Variants in RNFT2 observed in about 807,000 individuals in gnomAD.
RNFT2 encodes the protein ring finger protein, transmembrane 2.
RNFT2 carries 36 observed loss-of-function variants against 53.0 expected under a neutral mutation model. The ratio of observed to expected loss-of-function variants is 0.68; its 90% confidence interval spans 0.52 to 0.90. The LOEUF (loss-of-function observed/expected upper bound fraction) is 0.90, where lower values mean the gene tolerates loss of function less well. Among genes scored for constraint, RNFT2 ranks in the 40% least tolerant of loss-of-function variants. The pLI is 0.00. For synonymous variants in RNFT2, 260 were observed against 253.2 expected (o/e 1.03, Z -0.26); for missense variants, 514 against 585.6 (o/e 0.88, Z 1.26).
chr12:116,767,108 T>TTGCCTTG (rs1872952431), intron 6 of RNFT2, among the ~76,000 whole-genome samples, 194 bp downstream of exon 6: 1 of 152,224 alleles, frequency 6.6e-6, no homozygotes, highest in Non-Finnish European at 1.5e-5. Context: ...GCCACATAGG[T>TTGCCTTG]AAATTAACAT....
At position 116,849,502 on chromosome 12, in the gene RNFT2, C is replaced by CA; in HGVS notation, c.*55dup. On this transcript the variant is annotated 3_prime_UTR_variant, in exon 11 of 11. Transcript: ENST00000257575. ...CGCCAAGGGTCAGCATGCCCGGACC[C>CA]AGCCCTGCGGGGGCTTCCTGAGAAA... The CA allele has an allele frequency of 6.5e-7, 1 of 1,531,042 alleles. No homozygotes were observed. Among genetic ancestry groups the CA allele is most frequent in the Non-Finnish European group, 8.8e-7 (1 of 1,136,438 alleles). The allele number at this position is 1,531,042 out of a possible 1,614,324, so 94.8% of individuals were successfully genotyped here. A position where few individuals can be genotyped will look rare whatever the true frequency, so the allele number is the denominator to read the frequency against.
chr12:116,795,159 A>G (rs1874444402), intron 7 of RNFT2, among the ~76,000 whole-genome samples: 1 of 152,080 alleles, frequency 6.6e-6, no homozygotes, highest in Non-Finnish European at 1.5e-5. Context: ...TAATCCCAGC[A>G]CTTTGGGAGG....
intron 5 of RNFT2, among the ~76,000 whole-genome samples, chr12:116,761,391 G>A (rs187050542): frequency 3.9e-5 from 6 of 152,204 alleles, no homozygotes; most frequent in East Asian, 1.9e-4. Flanking sequence ...CCGGTAATCC[G>A]CACACCTTGG....
chr12:116,821,503 G>T (rs1480989822), intron 7 of RNFT2, among the ~76,000 whole-genome samples: 1 of 152,204 alleles, frequency 6.6e-6, no homozygotes, highest in Non-Finnish European at 1.5e-5. Flanking sequence ...ACCTTCCCAG[G>T]ACAACATGTC....
intron 5 of RNFT2, chr12:116,755,452 C>T (rs985753259): frequency 3.7e-5 from 44 of 1,201,018 alleles, no homozygotes; most frequent in Non-Finnish European, 5.3e-5. Context: ...CATTGGCTCT[C>T]ACAAAGTGTG....
intron 7 of RNFT2, among the ~76,000 whole-genome samples, chr12:116,818,562 G>A (rs1875819377): frequency 6.6e-6 from 1 of 152,190 alleles, no homozygotes; most frequent in East Asian, 1.9e-4. Context: ...AGTGAGTTGT[G>A]AAGCCTCTAA....
Position 116,791,259 on chromosome 12 carries a change from C to T in RNFT2, c.882+11911C>T, listed in dbSNP as rs143960161. On this transcript the variant is annotated intron_variant, in intron 7 of 10. Coordinates refer to ENST00000257575, the MANE Select transcript of RNFT2 (RefSeq NM_001382266.1). Reference sequence around the variant, plus strand: ...CTTTTGTGTCTGGCTTCTCTCATGCCGTGCTATGTTTTCGAGGTTCATCCA... The same window carrying T: ...CTTTTGTGTCTGGCTTCTCTCATGCTGTGCTATGTTTTCGAGGTTCATCCA... Among the ~76,000 whole-genome samples, 232 of 152,290 alleles carry T rather than the reference C, an allele frequency of 1.5e-3. 1 individual carries two copies. Among genetic ancestry groups the T allele is most frequent in the African/African-American group, 4.6e-3 (192 of 41,558 alleles).
At chr12:116,747,878 G>A (rs1379392071) in intron 3 of RNFT2, among the ~76,000 whole-genome samples, 1 of 152,092 alleles carries the variant, frequency 6.6e-6, no homozygotes, top group Non-Finnish European at 1.5e-5. Context: ...TTGCAATGTA[G>A]TGATTCCACT....
At chr12:116,785,884 A>G (rs536918220) in intron 7 of RNFT2, among the ~76,000 whole-genome samples, 4 of 152,178 alleles carry the variant, frequency 2.6e-5, no homozygotes, top group African/African-American at 9.6e-5. Flanking sequence ...CCCTGTCTCT[A>G]CAAAAAATAC....
chr12:116,848,810 GT>G (rs1182075564), intron 10 of RNFT2, among the ~76,000 whole-genome samples: 2 of 146,380 alleles, frequency 1.4e-5, no homozygotes, highest in Non-Finnish European at 3.0e-5. Flanking sequence ...CCTGCTTTTT[GT>G]TTGTTTGTTT....
intron 7 of RNFT2, among the ~76,000 whole-genome samples, chr12:116,806,155 C>G (rs1162375688): frequency 6.6e-6 from 1 of 151,946 alleles, no homozygotes; most frequent in Admixed American, 6.6e-5. Flanking sequence ...CCGAGGTGGG[C>G]AGATCACTCG....
At chr12:116,809,908 C>T (rs1875285882) in intron 7 of RNFT2, among the ~76,000 whole-genome samples, 1 of 152,174 alleles carries the variant, frequency 6.6e-6, no homozygotes, top group South Asian at 2.1e-4. Flanking sequence ...CTCCCAACCT[C>T]AGATGATCCA....
chr12:116,808,636 A>G (rs74571812), intron 7 of RNFT2, among the ~76,000 whole-genome samples: 2,125 of 152,206 alleles, frequency 0.014, 55 homozygotes, highest in African/African-American at 0.048. Flanking sequence ...GCCACTAGAG[A>G]AGATGAAAAA....
chr12:116,773,378 G>T (rs1013256656), intron 6 of RNFT2, among the ~76,000 whole-genome samples: 1 of 152,134 alleles, frequency 6.6e-6, no homozygotes, highest in Non-Finnish European at 1.5e-5. Context: ...CTTCCTTTAG[G>T]CATTGTTCCA....
At chr12:116,760,622 G>T (rs951373935) in intron 5 of RNFT2, among the ~76,000 whole-genome samples, 10 of 152,186 alleles carry the variant, frequency 6.6e-5, no homozygotes, top group African/African-American at 2.4e-4. Flanking sequence ...CCCCGTGAGG[G>T]TGAGTGTTCG....
intron 7 of RNFT2, among the ~76,000 whole-genome samples, chr12:116,821,252 C>T (rs1209624684): frequency 6.6e-6 from 1 of 151,942 alleles, no homozygotes; most frequent in Non-Finnish European, 1.5e-5. Context: ...CTGTGCTCTT[C>T]TCTAGCCTTG....
intron 6 of RNFT2, among the ~76,000 whole-genome samples, chr12:116,775,904 G>C (rs987914403): frequency 6.6e-6 from 1 of 152,042 alleles, no homozygotes; most frequent in Admixed American, 6.5e-5. Flanking sequence ...TTAGCCTGGC[G>C]TGGTGGTAGG....
intron 2 of RNFT2, chr12:116,740,745 C>T (rs1019780743): frequency 2.1e-5 from 13 of 631,392 alleles, no homozygotes; most frequent in Non-Finnish European, 3.7e-5. Context: ...CTTCATCCAG[C>T]ACCTCTTGGC....
intron 5 of RNFT2, among the ~76,000 whole-genome samples, chr12:116,757,308 G>A (rs1340473739): frequency 6.6e-6 from 1 of 151,646 alleles, no homozygotes; most frequent in East Asian, 1.9e-4. Context: ...GAATTTTTTT[G>A]TTTCAATTTC....
Sources: gnomAD v4.1 joint callset for allele counts (sites outside exome capture counted in the v4.1 genomes callset) on GRCh38, gnomAD v4.1.1 for gene constraint, MANE v1.5 for transcripts, NCBI Gene and HGNC (gene_info 2026-07-23, HGNC 2026-07-21) for gene names.